ROR1: variants seen among roughly 807,000 people sequenced by gnomAD.
ROR1 encodes the protein inactive tyrosine-protein kinase transmembrane receptor ROR1.
Under a neutral mutation model 78.8 loss-of-function variants are expected in ROR1, and 19 were observed. That is an observed-to-expected ratio of 0.24 (90% confidence interval 0.17 to 0.35). The LOEUF is 0.35. Among genes scored for constraint, ROR1 ranks in the 10% least tolerant of loss-of-function variants. The pLI, the probability that ROR1 is intolerant of heterozygous loss-of-function variation, is 1.00. For synonymous variants in ROR1, 386 were observed against 433.6 expected (o/e 0.89, Z 1.36); for missense variants, 917 against 1,177.8 (o/e 0.78, Z 3.24).
chr1:64,016,071 G>A (rs908739387), intron 2 of ROR1, among the ~76,000 whole-genome samples: 2 of 152,162 alleles, frequency 1.3e-5, no homozygotes, highest in Admixed American at 6.5e-5. Flanking sequence ...TGAGGAAACA[G>A]CACTTTAACA....
At chr1:64,026,353 C>CT (rs1366591491) in intron 2 of ROR1, among the ~76,000 whole-genome samples, 1 of 152,166 alleles carries the variant, frequency 6.6e-6, no homozygotes, top group African/African-American at 2.4e-5. Flanking sequence ...CACATTCTAA[C>CT]TTTGAGACAG....
chr1:63,958,081 A>G (rs1390693094), intron 1 of ROR1, among the ~76,000 whole-genome samples: 1 of 152,062 alleles, frequency 6.6e-6, no homozygotes, highest in Non-Finnish European at 1.5e-5. Context: ...AGCACTTACC[A>G]CAATTCCTCA....
intron 4 of ROR1, among the ~76,000 whole-genome samples, chr1:64,115,492 C>T (rs545022607): frequency 6.6e-6 from 1 of 152,004 alleles, no homozygotes; most frequent in East Asian, 1.9e-4. Context: ...CCCTAGCCTC[C>T]CAAAGTGCAT....
At chr1:63,876,578 G>A (rs893522693) in intron 1 of ROR1, among the ~76,000 whole-genome samples, 6 of 151,704 alleles carry the variant, frequency 4.0e-5, no homozygotes, top group African/African-American at 1.2e-4. Flanking sequence ...ATGACTCAAT[G>A]CAATTATGAA....
At position 63,892,956 on chromosome 1, in the gene ROR1, T is replaced by A. The variant is rs12566305; in HGVS notation, c.92-116349T>A. On this transcript the variant is annotated intron_variant, in intron 1 of 8. Transcript: ENST00000371079. ...CAGTGGCCAGTGAAACTGATGTGTT[T>A]GGATTTATCAAGTAGCTTTGCCAAG... 1.9e-3 allele frequency among the ~76,000 whole-genome samples: 291 copies of A among 152,232 alleles called. 7 individuals are homozygous for A. In the East Asian group the frequency reaches 0.039, roughly 21 times the overall value.
chr1:64,101,516 C>T (rs1430809801), intron 4 of ROR1, among the ~76,000 whole-genome samples: 2 of 151,930 alleles, frequency 1.3e-5, no homozygotes, highest in African/African-American at 2.4e-5. Context: ...CTGAGATTTT[C>T]CTTCAGCCCA....
chr1:64,103,714 G>A (rs898172339), intron 4 of ROR1, among the ~76,000 whole-genome samples: 2 of 151,886 alleles, frequency 1.3e-5, no homozygotes, highest in South Asian at 2.1e-4. Flanking sequence ...TAATTTTTCT[G>A]TATTACTGAA....
At chr1:64,167,771 T>C (rs1195945158) in intron 8 of ROR1, among the ~76,000 whole-genome samples, 1 of 152,242 alleles carries the variant, frequency 6.6e-6, no homozygotes, top group Non-Finnish European at 1.5e-5. Context: ...GGACAGGTTT[T>C]GTTCATCTAT....
chr1:63,958,800 A>G (rs535330432), intron 1 of ROR1, among the ~76,000 whole-genome samples: 3 of 152,324 alleles, frequency 2.0e-5, no homozygotes, highest in Admixed American at 2.0e-4. Context: ...GTAAAAGGGT[A>G]AAGGACAAAT....
At chr1:63,938,850 C>T (rs892624090) in intron 1 of ROR1, among the ~76,000 whole-genome samples, 5 of 151,800 alleles carry the variant, frequency 3.3e-5, no homozygotes, top group African/African-American at 1.2e-4. Context: ...CAAAATAAAA[C>T]AAATAGGTGT....
intron 1 of ROR1, among the ~76,000 whole-genome samples, chr1:63,964,393 A>G (rs539075185): frequency 6.6e-6 from 1 of 152,322 alleles, no homozygotes; most frequent in African/African-American, 2.4e-5. Context: ...CTTCATACAT[A>G]TACCTACATA....
At chr1:63,876,061 G>A (rs11802375) in intron 1 of ROR1, among the ~76,000 whole-genome samples, 8,827 of 152,196 alleles carry the variant, frequency 0.058, 647 homozygotes, top group African/African-American at 0.16. Flanking sequence ...GGTGGGTTAA[G>A]CTGCGAAAGT....
chr1:63,982,926 A>G (rs1646221740), intron 1 of ROR1, among the ~76,000 whole-genome samples: 1 of 152,140 alleles, frequency 6.6e-6, no homozygotes, highest in African/African-American at 2.4e-5. Context: ...GGGAGTAGTA[A>G]TAGCACCGAC....
chr1:63,904,168 G>A (rs536932661), intron 1 of ROR1, among the ~76,000 whole-genome samples: 11 of 152,266 alleles, frequency 7.2e-5, no homozygotes, highest in Non-Finnish European at 1.0e-4. Context: ...ACAAGATTGC[G>A]ATGATACAGG....
intron 1 of ROR1, among the ~76,000 whole-genome samples, chr1:63,850,021 C>A (rs909070970): frequency 6.6e-6 from 1 of 152,196 alleles, no homozygotes; most frequent in African/African-American, 2.4e-5. Context: ...AATGTGATGT[C>A]TTTTCATTCC....
intron 1 of ROR1, among the ~76,000 whole-genome samples, chr1:63,845,844 T>C (rs192978571): frequency 4.6e-5 from 7 of 152,318 alleles, no homozygotes; most frequent in African/African-American, 7.2e-5. Flanking sequence ...AGTCTCCATG[T>C]CACAGATGAG....
rs191621409 is a variant in ROR1, at chr1:64,000,732, A to G, written c.92-8573A>G. On this transcript the variant is annotated intron_variant, in intron 1 of 8. Transcript: ENST00000371079. The stretch of plus-strand genomic sequence containing the variant: ...CAATGTGCCATGGTCTTTCTAATAC[A>G]TAGGTCTCCTCTTAACCCAGAACAA... Among the ~76,000 whole-genome samples, 6 of 152,302 alleles carry G rather than the reference A, an allele frequency of 3.9e-5. No homozygotes were observed. The East Asian group carries it at 7.7e-4, about 20-fold the overall frequency.
intron 1 of ROR1, among the ~76,000 whole-genome samples, chr1:63,921,349 G>T (rs1375372123): frequency 6.6e-6 from 1 of 152,100 alleles, no homozygotes; most frequent in African/African-American, 2.4e-5. Flanking sequence ...GCTCATGGGG[G>T]TGGCGACGCT....
rs552750946 is a variant in ROR1, at chr1:64,159,058, A to G, written c.1252A>G (p.Ile418Val). Residue 418 changes from isoleucine (I) to valine (V), a missense_variant, in exon 8 of 9, where the codon ATT (isoleucine) becomes GTT (valine). Ile to Val is a conservative substitution (Grantham distance 29, BLOSUM62 3). This residue lies in a region of ROR1 where 835 missense variants were observed against 1,069.8 expected (regional missense o/e 0.78). Transcript: ENST00000371079. ...LVPSVAIPLA[I>V]ALLFFFICVC... Reference sequence around the variant, plus strand: ...GCCAAGTGTGGCCATTCCCCTGGCCATTGCTTTACTCTTCTTCTTCATTTG... The same window carrying G: ...GCCAAGTGTGGCCATTCCCCTGGCCGTTGCTTTACTCTTCTTCTTCATTTG... 1.1e-5 allele frequency: 18 copies of G among 1,614,070 alleles called. No homozygotes were observed. Among genetic ancestry groups the G allele is most frequent in the Non-Finnish European group, 1.5e-5 (18 of 1,180,030 alleles).
Sources: allele counts gnomAD v4.1 joint callset (sites outside exome capture counted in the v4.1 genomes callset), GRCh38; gene constraint gnomAD v4.1.1; regional missense constraint gnomAD v4.1.1; transcripts MANE v1.5; gene names NCBI Gene and HGNC (gene_info 2026-07-23, HGNC 2026-07-21).